Variants in TSC22D1 observed in about 807,000 individuals in gnomAD.
TSC22D1 encodes TSC22 domain family member 1, also known as TSC22 domain family protein 1.
Under a neutral mutation model 74.2 loss-of-function variants are expected in TSC22D1, and 9 were observed. The ratio of observed to expected loss-of-function variants is 0.12; its 90% CI spans 0.07 to 0.21. The LOEUF is 0.21. TSC22D1 is among the 10% of genes least tolerant of loss of function. The pLI is 1.00. For missense variants in TSC22D1, 1,427 were observed against 1,304.7 expected (o/e 1.09, Z -1.44); for synonymous variants, 586 against 492.5 (o/e 1.19, Z -2.51).
At chr13:44,450,821 G>A (rs1876067384) in intron 1 of TSC22D1, among the ~76,000 whole-genome samples, 2 of 152,206 alleles carry the variant, frequency 1.3e-5, no homozygotes, top group South Asian at 2.1e-4. Flanking sequence ...AAAGTTGTTA[G>A]GTTAGCAGTA....
chr13:44,456,267 T>G (rs1876636520), intron 1 of TSC22D1, among the ~76,000 whole-genome samples: 1 of 152,224 alleles, frequency 6.6e-6, no homozygotes, highest in South Asian at 2.1e-4. Flanking sequence ...TTGCTGCTGC[T>G]GGCTGGAGTA....
intron 1 of TSC22D1, among the ~76,000 whole-genome samples, chr13:44,517,485 T>C (rs1342258942): frequency 6.6e-6 from 1 of 151,966 alleles, no homozygotes; most frequent in African/African-American, 2.4e-5. Flanking sequence ...AACAGAATTG[T>C]TAAATTTTCA....
At chr13:44,529,441 C>CA (rs1019232986) in intron 1 of TSC22D1, among the ~76,000 whole-genome samples, 23 of 150,672 alleles carry the variant, frequency 1.5e-4, no homozygotes, top group South Asian at 1.3e-3. Flanking sequence ...AGAGTATCAA[C>CA]AAAAAAAAAC....
At chr13:44,486,700 G>A in intron 1 of TSC22D1, among the ~76,000 whole-genome samples, 1 of 152,250 alleles carries the variant, frequency 6.6e-6, no homozygotes, top group East Asian at 1.9e-4. Context: ...AAACCATACA[G>A]CAAGACCAAA....
chr13:44,462,140 T>C (rs1877031728), intron 1 of TSC22D1, among the ~76,000 whole-genome samples: 1 of 152,206 alleles, frequency 6.6e-6, no homozygotes, highest in African/African-American at 2.4e-5. Context: ...AATAGGACTA[T>C]GTATTATACA....
At chr13:44,498,322 A>AC (rs58723194) in intron 1 of TSC22D1, among the ~76,000 whole-genome samples, 1 of 134,578 alleles carries the variant, frequency 7.4e-6, no homozygotes, top group East Asian at 2.3e-4. Context: ...AAACAAACAA[A>AC]ACCAAAAACA....
At chr13:44,563,354 T>C (rs1309320334) in intron 1 of TSC22D1, among the ~76,000 whole-genome samples, 2 of 152,228 alleles carry the variant, frequency 1.3e-5, no homozygotes, top group African/African-American at 4.8e-5. Flanking sequence ...CATTTTACAA[T>C]GAAAATCCCT....
Position 44,510,231 on chromosome 13 carries a change from A to T in TSC22D1, c.2912+62932T>A, listed in dbSNP as rs1039792444. ...AAACCCTGTCTACTAAAAAAAAAAAAAAAATACAAAATTAGCCGGGCGTGG... is the reference window on the plus strand; with the variant it reads ...AAACCCTGTCTACTAAAAAAAAAAATAAAATACAAAATTAGCCGGGCGTGG... On this transcript the variant is annotated intron_variant, in intron 1 of 2. Transcript: ENST00000458659. Among the ~76,000 whole-genome samples the T allele has an allele frequency of 1.6e-4, 25 of 152,002 alleles. No individual in the cohort carries two copies. In the Middle Eastern group the frequency reaches 0.01, roughly 62 times the overall value.
intron 1 of TSC22D1, among the ~76,000 whole-genome samples, chr13:44,515,852 C>A (rs1340230851): frequency 6.6e-6 from 1 of 152,178 alleles, no homozygotes. Context: ...GAATTTAAAA[C>A]AGGTATAAGA....
chr13:44,465,030 A>C (rs911909822), intron 1 of TSC22D1, among the ~76,000 whole-genome samples: 1 of 152,158 alleles, frequency 6.6e-6, no homozygotes, highest in Non-Finnish European at 1.5e-5. Context: ...AATGCTGCAC[A>C]AGTTTTGAGT....
intron 1 of TSC22D1, among the ~76,000 whole-genome samples, chr13:44,562,970 T>C (rs898033374): frequency 6.6e-6 from 1 of 152,034 alleles, no homozygotes; most frequent in African/African-American, 2.4e-5. Flanking sequence ...CCGATCATGG[T>C]GGTGCATTCC....
intron 1 of TSC22D1, among the ~76,000 whole-genome samples, chr13:44,565,010 T>C (rs17278318): frequency 0.087 from 13,281 of 151,910 alleles, 742 homozygotes; most frequent in Non-Finnish European, 0.12. Flanking sequence ...AGAAGGAAAT[T>C]TGAGGGGCTA....
chr13:44,434,370 T>C lies in TSC22D1; in HGVS notation c.*256A>G. The C allele has an allele frequency of 7.3e-7, 1 of 1,375,168 alleles. No homozygotes were observed. Among genetic ancestry groups the C allele is most frequent in the South Asian group, 1.9e-5 (1 of 52,926 alleles). 85.2% of individuals were successfully genotyped at this position (1,375,168 alleles called of 1,614,324 possible). On this transcript the variant is annotated 3_prime_UTR_variant, in exon 3 of 3. Coordinates refer to ENST00000458659, the MANE Select transcript of TSC22D1 (RefSeq NM_183422.4). Reference sequence around the variant, plus strand: ...TGAATTAAACCATTTCTCAGATATCTGCCAAGCTGCATGAGGTCCCGGTAT... The same window carrying C: ...TGAATTAAACCATTTCTCAGATATCCGCCAAGCTGCATGAGGTCCCGGTAT...
chr13:44,520,414 G>C (rs1880257012), intron 1 of TSC22D1, among the ~76,000 whole-genome samples: 2 of 152,162 alleles, frequency 1.3e-5, no homozygotes. Context: ...TATTATTTCA[G>C]TGAGGTTATC....
intron 1 of TSC22D1, among the ~76,000 whole-genome samples, chr13:44,504,433 G>A (rs1595122920): frequency 1.3e-5 from 2 of 151,738 alleles, no homozygotes; most frequent in South Asian, 4.2e-4. Context: ...ATGAAACCCT[G>A]TCTCTACAAG....
intron 1 of TSC22D1, among the ~76,000 whole-genome samples, chr13:44,540,525 A>C (rs1190669610): frequency 6.6e-6 from 1 of 152,196 alleles, no homozygotes; most frequent in East Asian, 1.9e-4. Context: ...GAAAAGATTT[A>C]TTCTTCAAGC....
intron 1 of TSC22D1, among the ~76,000 whole-genome samples, chr13:44,553,584 C>G (rs1472958271): frequency 6.6e-6 from 1 of 152,090 alleles, no homozygotes; most frequent in East Asian, 1.9e-4. Context: ...AACAATCTTT[C>G]AGAATGAAAA....
chr13:44,515,349 G>A (rs527487512), intron 1 of TSC22D1, among the ~76,000 whole-genome samples: 1 of 151,082 alleles, frequency 6.6e-6, no homozygotes, highest in South Asian at 2.1e-4. Context: ...TTACTATATG[G>A]AAAGATGGCC....
At chr13:44,566,615 T>C (rs551889127) in intron 1 of TSC22D1, among the ~76,000 whole-genome samples, 12 of 152,296 alleles carry the variant, frequency 7.9e-5, no homozygotes, top group Admixed American at 2.0e-4. Flanking sequence ...ACCATTGAAA[T>C]AGATGTGTAA....
Sources: gnomAD v4.1 joint callset for allele counts (sites outside exome capture counted in the v4.1 genomes callset) on GRCh38, gnomAD v4.1.1 for gene constraint, MANE v1.5 for transcripts, NCBI Gene and HGNC (gene_info 2026-07-23, HGNC 2026-07-21) for gene names.